ZRANB3: variants seen among roughly 807,000 people sequenced by gnomAD.
The protein encoded by ZRANB3 is zinc finger RANBP2-type containing 3.
ZRANB3 carries 125 observed loss-of-function variants against 133.8 expected under a neutral mutation model. The ratio of observed to expected loss-of-function variants is 0.93; its 90% CI spans 0.81 to 1.08. The LOEUF is 1.08. ZRANB3 is among the 50% of genes least tolerant of loss of function. The pLI is 0.00. For synonymous variants in ZRANB3, 387 were observed against 432.7 expected (o/e 0.89, Z 1.31); for missense variants, 1,229 against 1,275.5 (o/e 0.96, Z 0.56).
At chr2:135,441,212 A>G (rs1689763526) in intron 2 of ZRANB3, among the ~76,000 whole-genome samples, 1 of 152,228 alleles carries the variant, frequency 6.6e-6, no homozygotes, top group Admixed American at 6.5e-5. Flanking sequence ...GAGACAAAGA[A>G]GAAATATTAA....
At chr2:135,334,068 A>G (rs1405256961) in intron 6 of ZRANB3, among the ~76,000 whole-genome samples, 6 of 152,164 alleles carry the variant, frequency 3.9e-5, no homozygotes, top group Non-Finnish European at 8.8e-5. Flanking sequence ...TTTTAGTTCT[A>G]GAATATTCAA....
At chr2:135,284,535 G>A (rs1014530169) in intron 8 of ZRANB3, among the ~76,000 whole-genome samples, 10 of 152,226 alleles carry the variant, frequency 6.6e-5, no homozygotes, top group Admixed American at 1.3e-4. Flanking sequence ...GCAGTGGCGC[G>A]ATCTCAGCTC....
At chr2:135,482,559 CA>C (rs1691875961) in intron 2 of ZRANB3, among the ~76,000 whole-genome samples, 1 of 151,688 alleles carries the variant, frequency 6.6e-6, no homozygotes, top group Non-Finnish European at 1.5e-5. Context: ...ATGTCATCTG[CA>C]AACAGGGACA....
intron 8 of ZRANB3, among the ~76,000 whole-genome samples, chr2:135,281,334 A>G (rs1003252260): frequency 1.3e-5 from 2 of 151,996 alleles, no homozygotes; most frequent in South Asian, 2.1e-4. Context: ...CAGGTATCGC[A>G]TGACCTTTTA....
intron 2 of ZRANB3, among the ~76,000 whole-genome samples, chr2:135,449,235 C>T (rs1454461281): frequency 6.6e-6 from 1 of 152,188 alleles, no homozygotes; most frequent in Admixed American, 6.5e-5. Flanking sequence ...TCAAAGATGA[C>T]ACCATCCAAT....
In ZRANB3 at chr2:135,404,285, C is replaced by T. The variant is rs148631761; in HGVS notation, c.162-13465G>A. On this transcript the variant is annotated intron_variant, in intron 2 of 20. Coordinates refer to ENST00000264159, the MANE Select transcript of ZRANB3 (RefSeq NM_032143.4). ...CCTGATGGTGCTGAAAACCAAGGCACGAGAACTATGTGACAAATGTACAAG... is the reference window on the plus strand; with the variant it reads ...CCTGATGGTGCTGAAAACCAAGGCATGAGAACTATGTGACAAATGTACAAG... Among the ~76,000 whole-genome samples the T allele has an allele frequency of 2.7e-3, 414 of 152,180 alleles. 2 individuals carry two copies. Among genetic ancestry groups the T allele is most frequent in the African/African-American group, 8.7e-3 (363 of 41,526 alleles).
At chr2:135,473,500 T>G (rs1328775882) in intron 2 of ZRANB3, among the ~76,000 whole-genome samples, 1 of 151,528 alleles carries the variant, frequency 6.6e-6, no homozygotes, top group Non-Finnish European at 1.5e-5. Flanking sequence ...ATGAAAGGAC[T>G]CAGGTAATGT....
intron 2 of ZRANB3, among the ~76,000 whole-genome samples, chr2:135,439,173 C>G (rs1689675080): frequency 6.6e-6 from 1 of 152,110 alleles, no homozygotes; most frequent in African/African-American, 2.4e-5. Flanking sequence ...AACTTTGTAT[C>G]TAAGGTCTGT....
At chr2:135,313,210 G>T (rs1363739126) in intron 8 of ZRANB3, among the ~76,000 whole-genome samples, 1 of 151,524 alleles carries the variant, frequency 6.6e-6, no homozygotes, top group Non-Finnish European at 1.5e-5. Context: ...TAAACAGGCT[G>T]GGCATGTTGG....
intron 2 of ZRANB3, among the ~76,000 whole-genome samples, chr2:135,478,089 T>A (rs973945016): frequency 6.6e-6 from 1 of 152,176 alleles, no homozygotes; most frequent in Admixed American, 6.6e-5. Flanking sequence ...TTTTTATTGC[T>A]TATTAGAATT....
At chr2:135,481,715 C>T (rs951659945) in intron 2 of ZRANB3, among the ~76,000 whole-genome samples, 2 of 150,644 alleles carry the variant, frequency 1.3e-5, no homozygotes, top group Non-Finnish European at 2.9e-5. Context: ...AATGGTAATG[C>T]CTAGGTTTTC....
intron 8 of ZRANB3, among the ~76,000 whole-genome samples, chr2:135,282,068 T>C (rs149039836): frequency 0.01 from 1,571 of 152,356 alleles, 25 homozygotes; most frequent in African/African-American, 0.036. Flanking sequence ...TATTCCATTG[T>C]ATGAATATAT....
intron 2 of ZRANB3, among the ~76,000 whole-genome samples, chr2:135,403,551 G>A (rs1020080693): frequency 6.6e-6 from 1 of 152,240 alleles, no homozygotes; most frequent in Non-Finnish European, 1.5e-5. Flanking sequence ...ACAAAAGGCA[G>A]CAGAATCCTC....
intron 12 of ZRANB3, among the ~76,000 whole-genome samples, chr2:135,259,520 G>A (rs955439520): frequency 5.9e-5 from 9 of 152,188 alleles, no homozygotes; most frequent in Non-Finnish European, 1.3e-4. Context: ...CCGGGTTCAA[G>A]CGATTCTCCT....
In ZRANB3 at chr2:135,418,937, T is replaced by C. The variant is rs1431907523; in HGVS notation, c.162-28117A>G. ...ATAAGGATTCTCTCTTTTTTTTTTT[T>C]TTTTTTTTTTTTTTTTTTGAGACGG... On this transcript the variant is annotated intron_variant, in intron 2 of 20. Coordinates refer to ENST00000264159, the MANE Select transcript of ZRANB3 (RefSeq NM_032143.4). Among the ~76,000 whole-genome samples the C allele has an allele frequency of 3.3e-4, 35 of 105,134 alleles. 1 individual carries two copies. Among genetic ancestry groups the C allele is most frequent in the East Asian group, 1.9e-3 (8 of 4,254 alleles). The allele number at this position is 105,134 out of a possible 152,430, so 69.0% of individuals were successfully genotyped here.
intron 1 of ZRANB3, among the ~76,000 whole-genome samples, chr2:135,521,287 G>A (rs1352899013): frequency 1.3e-5 from 2 of 152,122 alleles, no homozygotes; most frequent in Admixed American, 6.5e-5. Flanking sequence ...GATGGCTCAT[G>A]CCTGTAATCC....
chr2:135,234,051 C>T (rs1349942818), intron 12 of ZRANB3, among the ~76,000 whole-genome samples: 1 of 152,152 alleles, frequency 6.6e-6, no homozygotes, highest in South Asian at 2.1e-4. Flanking sequence ...GGAAACCCAT[C>T]TCATGTGCAG....
chr2:135,490,192 G>T (rs1289675502), intron 2 of ZRANB3, among the ~76,000 whole-genome samples: 1 of 152,184 alleles, frequency 6.6e-6, no homozygotes, highest in Non-Finnish European at 1.5e-5. Context: ...TTACCCCACA[G>T]ATGTGTAATT....
At chr2:135,339,283 T>C (rs1471698153) in intron 6 of ZRANB3, among the ~76,000 whole-genome samples, 2 of 152,058 alleles carry the variant, frequency 1.3e-5, no homozygotes, top group Non-Finnish European at 2.9e-5. Context: ...TGGTGGTGCA[T>C]GCCTGTAATC....
Sources: gnomAD v4.1 joint callset for allele counts (sites outside exome capture counted in the v4.1 genomes callset) on GRCh38, gnomAD v4.1.1 for gene constraint, MANE v1.5 for transcripts, NCBI Gene and HGNC (gene_info 2026-07-23, HGNC 2026-07-21) for gene names.